The following KLHL8 variants were observed in gnomAD, a reference collection of about 807,000 sequenced individuals.
KLHL8 encodes kelch-like protein 8.
Under a neutral mutation model 63.5 loss-of-function variants are expected in KLHL8, and 38 were observed. That is an observed-to-expected ratio of 0.60 (90% CI 0.46 to 0.78). The LOEUF (loss-of-function observed/expected upper bound fraction) is 0.78, where lower values mean the gene tolerates loss of function less well. KLHL8 is among the 30% of genes least tolerant of loss of function. KLHL8 has a pLI of 0.00. For synonymous variants in KLHL8, 224 were observed against 254.3 expected (o/e 0.88, Z 1.13); for missense variants, 566 against 752.4 (o/e 0.75, Z 2.90).
At chr4:87,168,530 A>T (rs984311222) in intron 8 of KLHL8, among the ~76,000 whole-genome samples, 1 of 151,932 alleles carries the variant, frequency 6.6e-6, no homozygotes, top group East Asian at 1.9e-4. Context: ...ATTTTCTCCT[A>T]GGGTTATCCT....
At chr4:87,188,702 T>C (rs1731356330) in intron 2 of KLHL8, among the ~76,000 whole-genome samples, 1 of 152,200 alleles carries the variant, frequency 6.6e-6, no homozygotes. Context: ...ATTTGTACAT[T>C]TTCTTTCTCT....
chr4:87,217,242 G>GAA (rs11297877), intron 1 of KLHL8, among the ~76,000 whole-genome samples: 1 of 141,650 alleles, frequency 7.1e-6, no homozygotes, highest in Non-Finnish European at 1.6e-5. Context: ...ATTTTGTTCA[G>GAA]AAAAAAAAAA....
rs755168999 is a variant in KLHL8, at chr4:87,172,206, G to C, written c.1209-1591C>G. Among the ~76,000 whole-genome samples, 15 of 152,202 alleles carry C rather than the reference G, an allele frequency of 9.9e-5. No individual in the cohort carries two copies. The South Asian group carries it at 1.0e-3, about 11-fold the overall frequency. On this transcript the variant is annotated intron_variant, in intron 6 of 9. Coordinates refer to ENST00000273963, the MANE Select transcript of KLHL8 (RefSeq NM_020803.5). ...AGTGTGCCATTGCTTGTTTGAAGGT[G>C]GGGGGGAACATGTGGGAAGGATCTG...
intron 1 of KLHL8, among the ~76,000 whole-genome samples, chr4:87,211,242 A>C (rs565542488): frequency 3.3e-5 from 5 of 152,368 alleles, no homozygotes; most frequent in Admixed American, 3.3e-4. Context: ...TAAGACATTT[A>C]CTTCAATTTT....
Position 87,170,499 on chromosome 4 carries a change from G to A in KLHL8, c.1325C>T (p.Thr442Ile). The change falls in exon 7 of 10, where the codon ACA becomes ATA. Residue 442 changes from threonine (T) to isoleucine (I), a missense_variant. By Grantham distance (89) the Thr-to-Ile change is moderately conservative. Coordinates refer to ENST00000273963, the MANE Select transcript of KLHL8 (RefSeq NM_020803.5). Reference protein sequence around the residue: ...RYDIESDQWSTVAPMNTPRGG... With the variant: ...RYDIESDQWSIVAPMNTPRGG... ...ACGGGGAGTATTCATTGGTGCCACT[G>A]TACTCCACTGATCAGATTCTATGTC... 6.2e-7 allele frequency: 1 copy of A among 1,613,828 alleles called. No homozygotes were observed. Among genetic ancestry groups the A allele is most frequent in the African/African-American group, 1.3e-5 (1 of 75,024 alleles).
At chr4:87,177,104 A>G (rs974088562) in intron 5 of KLHL8, among the ~76,000 whole-genome samples, 12 of 151,970 alleles carry the variant, frequency 7.9e-5, no homozygotes. Flanking sequence ...CTCTAATATT[A>G]TCGCCCCCCC....
chr4:87,234,393 C>T (rs1027944879), intron 1 of KLHL8, among the ~76,000 whole-genome samples: 16 of 150,346 alleles, frequency 1.1e-4, no homozygotes, highest in African/African-American at 3.2e-4. Context: ...GAGCGGAGGT[C>T]GTACCACTGC....
chr4:87,209,397 C>CT (rs997345285), intron 1 of KLHL8, among the ~76,000 whole-genome samples: 16 of 150,832 alleles, frequency 1.1e-4, no homozygotes, highest in South Asian at 4.2e-4. Context: ...AAGCTGATTC[C>CT]TTTTTTTTTG....
chr4:87,189,738 T>G (rs550859565), intron 2 of KLHL8, among the ~76,000 whole-genome samples: 1 of 152,176 alleles, frequency 6.6e-6, no homozygotes, highest in East Asian at 1.9e-4. Flanking sequence ...TAAAAAAGTT[T>G]AGTAAAGGCC....
chr4:87,228,436 TG>T (rs1458796265), intron 1 of KLHL8, among the ~76,000 whole-genome samples: 1 of 152,120 alleles, frequency 6.6e-6, no homozygotes, highest in African/African-American at 2.4e-5. Context: ...TAACTTTGGG[TG>T]GTTAATATTG....
At chr4:87,192,010 C>T (rs926354510) in intron 2 of KLHL8, among the ~76,000 whole-genome samples, 21 of 152,122 alleles carry the variant, frequency 1.4e-4, no homozygotes, top group African/African-American at 4.8e-4. Context: ...TCCAATCCAC[C>T]ACTGATGGGC....
rs561841148 is a variant in KLHL8, at chr4:87,228,026, A to C, written n.58-6636T>G. On this transcript the variant is annotated intron_variant and non_coding_transcript_variant, in intron 1 of 1. Transcript: ENST00000506274. ...AATCAATCATGCCCACATAAATGAA[A>C]CTCAAAAAAACCCTCTGGATTCCAA... is the stretch of plus-strand genomic sequence containing the variant. 1.6e-3 allele frequency among the ~76,000 whole-genome samples: 244 copies of C among 152,128 alleles called. 1 individual carries two copies. Among genetic ancestry groups the C allele is most frequent in the African/African-American group, 5.6e-3 (231 of 41,488 alleles).
chr4:87,196,355 A>G (rs1731702157), intron 1 of KLHL8, among the ~76,000 whole-genome samples: 1 of 152,196 alleles, frequency 6.6e-6, no homozygotes, highest in Non-Finnish European at 1.5e-5. Flanking sequence ...GCTGCCTTCC[A>G]GCTATACAAT....
intron 1 of KLHL8, among the ~76,000 whole-genome samples, chr4:87,230,880 C>A (rs1424974739): frequency 6.6e-6 from 1 of 152,134 alleles, no homozygotes; most frequent in Non-Finnish European, 1.5e-5. Context: ...GAACCAGAAG[C>A]CTAGATGTTA....
upstream of KLHL8, among the ~76,000 whole-genome samples, chr4:87,224,836 G>C (rs543383330): frequency 2.0e-5 from 3 of 152,264 alleles, no homozygotes; most frequent in Admixed American, 2.0e-4. Flanking sequence ...CAATCAGCCT[G>C]ACATAGGTAT....
At chr4:87,193,887 C>G (rs2110011239) in intron 2 of KLHL8, among the ~76,000 whole-genome samples, 1 of 152,240 alleles carries the variant, frequency 6.6e-6, no homozygotes, top group South Asian at 2.1e-4. Context: ...ATACCCCTTT[C>G]TGAGAAACAT....
intron 1 of KLHL8, among the ~76,000 whole-genome samples, chr4:87,204,431 T>C (rs991597808): frequency 6.6e-6 from 1 of 152,210 alleles, no homozygotes; most frequent in Non-Finnish European, 1.5e-5. Context: ...AACATATTCT[T>C]ATACTATGAC....
intron 6 of KLHL8, 33 bp from the exon 7 acceptor site, chr4:87,170,648 G>A (rs181224269): frequency 1.5e-5 from 24 of 1,573,028 alleles, no homozygotes; most frequent in Admixed American, 2.0e-5. Flanking sequence ...TTTAGCAAAT[G>A]AGTTTGTTTC....
At chr4:87,193,665 A>G (rs1188067986) in intron 2 of KLHL8, among the ~76,000 whole-genome samples, 1 of 152,162 alleles carries the variant, frequency 6.6e-6, no homozygotes, top group Non-Finnish European at 1.5e-5. Context: ...ATATATAACC[A>G]TGTGTTATAC....
Sources: gnomAD v4.1 joint callset for allele counts (sites outside exome capture counted in the v4.1 genomes callset) on GRCh38, gnomAD v4.1.1 for gene constraint, MANE v1.5 for transcripts, NCBI Gene and HGNC (gene_info 2026-07-23, HGNC 2026-07-21) for gene names.